Variants in S100A13 observed in about 807,000 individuals in gnomAD.
S100A13 encodes the protein S100 calcium binding protein A13.
S100A13 carries 6 observed loss-of-function variants against 8.2 expected under a neutral mutation model. That is an observed-to-expected ratio of 0.73 (90% CI 0.40 to 1.44). S100A13 has a LOEUF of 1.44. S100A13 is among the 40% of genes most tolerant of loss of function. The pLI is 0.02. For missense variants in S100A13, 114 were observed against 113.6 expected (o/e 1.00, Z -0.02); for synonymous variants, 39 against 45.9 (o/e 0.85, Z 0.61).
At chr1:153,619,699 C>T (rs1016341361) in intron 2 of S100A13, among the ~76,000 whole-genome samples, 1 of 152,056 alleles carries the variant, frequency 6.6e-6, no homozygotes, top group African/African-American at 2.4e-5. Context: ...ACAAGCACAA[C>T]CAAAAAGTTG....
At chr1:153,628,854 T>C (rs1202621908), upstream of S100A13, 1 of 275,648 alleles carries the variant, frequency 3.6e-6, no homozygotes, top group Non-Finnish European at 7.0e-6. Context: ...CTCCCCTGCC[T>C]CGCCTCCTGT....
chr1:153,630,292 G>C (rs1667930278), upstream of S100A13: 3 of 569,680 alleles, frequency 5.3e-6, no homozygotes, highest in African/African-American at 1.9e-5. Flanking sequence ...CCTCTGGCTG[G>C]GGTACAGACT....
upstream of S100A13, chr1:153,630,580 CG>C: frequency 6.2e-7 from 1 of 1,614,238 alleles, no homozygotes; most frequent in Non-Finnish European, 8.5e-7. Context: ...CACGCCCACT[CG>C]GGCAAAGAGG....
At chr1:153,633,268 G>A (rs1478088903), upstream of S100A13, 2 of 152,162 alleles carry the variant, frequency 1.3e-5, no homozygotes, top group African/African-American at 4.8e-5. Flanking sequence ...GATCACCTGA[G>A]CCCAGTAGGT....
chr1:153,633,456 G>A (rs143550106), upstream of S100A13, among the ~76,000 whole-genome samples: 74 of 138,324 alleles, frequency 5.3e-4, no homozygotes, highest in Middle Eastern at 3.6e-3. Context: ...AAACGCAATC[G>A]AGGACGCAAA....
At chr1:153,628,680 G>A (rs529929474), upstream of S100A13, 2 of 1,051,178 alleles carry the variant, frequency 1.9e-6, no homozygotes, top group East Asian at 2.7e-5. Context: ...GGTGATGAGA[G>A]ACAAATGAAC....
At chr1:153,631,900 C>A, upstream of S100A13, 2 of 1,583,348 alleles carry the variant, frequency 1.3e-6, no homozygotes, top group Non-Finnish European at 1.7e-6. Flanking sequence ...TGCCTCTTCC[C>A]CCTGCTTCCA....
At chr1:153,619,076 T>G (rs777166059) in intron 2 of S100A13, 38 bp from the exon 3 acceptor site, 1 of 1,591,500 alleles carries the variant, frequency 6.3e-7, no homozygotes, top group Admixed American at 1.7e-5. Context: ...AGTTAGAAAC[T>G]GGGGTTCTTG....
At chr1:153,625,206 G>C (rs1667536502) in intron 2 of S100A13, among the ~76,000 whole-genome samples, 1 of 152,186 alleles carries the variant, frequency 6.6e-6, no homozygotes, top group Admixed American at 6.5e-5. Context: ...CAGTGGCCTG[G>C]GCAACAGAGT....
Position 153,618,818 on chromosome 1 carries a change from G to A in S100A13, c.*77C>T, listed in dbSNP as rs1007134844. 1 of 1,370,078 alleles carries A rather than the reference G, an allele frequency of 7.3e-7. No homozygotes were observed. The highest frequency in any genetic ancestry group is 1.0e-6 in the Non-Finnish European group (1 of 990,672). 84.9% of individuals were successfully genotyped at this position (1,370,078 alleles called of 1,614,324 possible). ...GAAACATTTGTGTTTCAAGGAGGAA[G>A]CTTTATTTGGGAAGAGTGCGGTTCT... On this transcript the variant is annotated 3_prime_UTR_variant, in exon 3 of 3. Coordinates refer to ENST00000476133, the MANE Select transcript of S100A13 (RefSeq NM_001024211.2).
At chr1:153,630,907 A>C, upstream of S100A13, 1 of 495,156 alleles carries the variant, frequency 2.0e-6, no homozygotes, top group Non-Finnish European at 3.5e-6. Flanking sequence ...TAAGACACAC[A>C]GACTTAGAAG....
At chr1:153,620,641 G>C (rs1334229737) in intron 2 of S100A13, among the ~76,000 whole-genome samples, 1 of 152,136 alleles carries the variant, frequency 6.6e-6, no homozygotes, top group African/African-American at 2.4e-5. Context: ...TAAGTACTAA[G>C]TTGAATCCAT....
chr1:153,628,000 A>G (rs999873364), upstream of S100A13: 3 of 1,544,512 alleles, frequency 1.9e-6, no homozygotes, highest in Non-Finnish European at 1.7e-6. Context: ...AGAGTCCTGG[A>G]TTGAAATCCC....
intron 1 of S100A13, 158 bp from the exon 2 acceptor site, chr1:153,626,691 G>A: frequency 6.1e-6 from 3 of 493,640 alleles, no homozygotes; most frequent in Non-Finnish European, 1.1e-5. Flanking sequence ...TGGGGCAGCA[G>A]ACCAGGCAAC....
upstream of S100A13, among the ~76,000 whole-genome samples, chr1:153,632,798 G>A (rs1293730483): frequency 6.6e-6 from 1 of 152,188 alleles, no homozygotes; most frequent in Non-Finnish European, 1.5e-5. Flanking sequence ...CAGTGGAGCA[G>A]AGGAAGGGTT....
rs781660855 is a variant in S100A13, at chr1:153,626,323, G to A, written c.150C>T (p.Leu50=). The A allele has an allele frequency of 6.2e-7, 1 of 1,613,654 alleles. No individual in the cohort carries two copies. The highest frequency in any genetic ancestry group is 1.1e-5 in the South Asian group (1 of 91,060). The part of the protein sequence containing the change: ...ELVTQQLPHL[L]KDVGSLDEKM... ...TCAGTCCCAGACTTCTGCCTACCTT[G>A]AGCAGATGGGGCAACTGCTGGGTAA... Residue 50 remains leucine, a synonymous_variant, in exon 2 of 3, where the codon CTC becomes CTT. Transcript: ENST00000476133.
intron 2 of S100A13, 134 bp from the exon 3 acceptor site, chr1:153,619,172 G>A (rs1218254941): frequency 2.4e-6 from 2 of 816,960 alleles, no homozygotes; most frequent in Non-Finnish European, 3.8e-6. Context: ...CTTCTCTAAA[G>A]AAGGAGGCTG....
chr1:153,624,234 G>A (rs779872770), intron 2 of S100A13, among the ~76,000 whole-genome samples: 5 of 152,146 alleles, frequency 3.3e-5, no homozygotes, highest in Non-Finnish European at 7.3e-5. Flanking sequence ...CAGAGGAGTG[G>A]GATGCTGAGA....
intron 2 of S100A13, among the ~76,000 whole-genome samples, chr1:153,620,180 G>A (rs752171213): frequency 1.6e-4 from 24 of 152,018 alleles, no homozygotes; most frequent in Non-Finnish European, 3.2e-4. Flanking sequence ...CCAGCTACTC[G>A]GTAGGCTGAG....
Sources: gnomAD v4.1 joint callset for allele counts (sites outside exome capture counted in the v4.1 genomes callset) on GRCh38, gnomAD v4.1.1 for gene constraint, MANE v1.5 for transcripts, NCBI Gene and HGNC (gene_info 2026-07-23, HGNC 2026-07-21) for gene names.